ARHGAP36: variants seen among roughly 807,000 people sequenced by gnomAD.
The protein encoded by ARHGAP36 is rho GTPase-activating protein 36.
ARHGAP36 carries 7 observed loss-of-function variants against 32.9 expected under a neutral mutation model. That is an observed-to-expected ratio of 0.21 (90% CI 0.12 to 0.40). ARHGAP36 has a LOEUF of 0.40. Ranked by LOEUF, ARHGAP36 falls within the 10% of genes least tolerant of loss-of-function variation. ARHGAP36 has a pLI of 1.00. For synonymous variants in ARHGAP36, 165 were observed against 168.3 expected (o/e 0.98, Z 0.15); for missense variants, 383 against 442.2 (o/e 0.87, Z 1.20).
chrX:131,086,469 T>C, intron 10 of ARHGAP36, 43 bp downstream of exon 10: 4 of 1,199,973 alleles, frequency 3.3e-6, no homozygotes, highest in Non-Finnish European at 3.4e-6. Flanking sequence ...CTGAAGTACC[T>C]CCTCCTATGG....
intron 1 of ARHGAP36, among the ~76,000 whole-genome samples, chrX:131,068,730 G>A (rs1288890646): frequency 1.9e-5 from 2 of 105,163 alleles, no homozygotes; most frequent in African/African-American, 7.0e-5. Context: ...AGGGTTGAGG[G>A]CTTTATTGGT....
intron 1 of ARHGAP36, among the ~76,000 whole-genome samples, chrX:131,059,318 C>T (rs1302027292): frequency 9.4e-6 from 1 of 106,709 alleles, no homozygotes; most frequent in Non-Finnish European, 1.9e-5. Context: ...GTCCTTCACT[C>T]CCCCTTGATA....
chrX:131,066,795 G>A (rs938363364), intron 1 of ARHGAP36, among the ~76,000 whole-genome samples: 5 of 111,631 alleles, frequency 4.5e-5, no homozygotes, highest in Admixed American at 3.8e-4. Context: ...TGAGCCTGAT[G>A]TATGAAGTGT....
intron 1 of ARHGAP36, among the ~76,000 whole-genome samples, chrX:131,064,300 T>C (rs1228535474): frequency 9.0e-6 from 1 of 111,457 alleles, no homozygotes; most frequent in Non-Finnish European, 1.9e-5. Flanking sequence ...AGAGTGAGAA[T>C]TGGACTTAAG....
chrX:131,083,098 T>C, intron 2 of ARHGAP36, 67 bp from the exon 3 acceptor site: 1 of 1,057,686 alleles, frequency 9.5e-7, no homozygotes. Context: ...ATCAGGGCAT[T>C]GGGATGTTTT....
chrX:131,083,254 T>G, intron 3 of ARHGAP36, 24 bp downstream of exon 3: 1 of 1,188,717 alleles, frequency 8.4e-7, no homozygotes, highest in Non-Finnish European at 1.1e-6. Flanking sequence ...TGTATTTTCT[T>G]TAGAAAAGAA....
At chrX:131,066,663 G>C in intron 1 of ARHGAP36, among the ~76,000 whole-genome samples, 1 of 111,888 alleles carries the variant, frequency 8.9e-6, no homozygotes, top group Non-Finnish European at 1.9e-5. Flanking sequence ...CAGGAATCAG[G>C]GGACTCTTAG....
rs1196168024 is a variant in ARHGAP36, at chrX:131,081,914, C to A, written c.249C>A (p.Asp83Glu). The change falls in exon 2 of 12, where the codon GAC becomes GAA. Residue 83 changes from aspartate (D) to glutamate (E), a missense_variant. Asp to Glu is a conservative substitution (Grantham distance 45, BLOSUM62 2). Coordinates refer to ENST00000276211, the MANE Select transcript of ARHGAP36 (RefSeq NM_144967.4). ...ARHFLSEFKP[D>E]RALPIDRPNT... The stretch of plus-strand genomic sequence containing the variant: ...ATTTCCTCTCCGAATTCAAACCTGA[C>A]AGAGGTAAGCTGTACCCCGGATTGT... 1 of 1,210,953 alleles carries A rather than the reference C, an allele frequency of 8.3e-7. No homozygotes were observed. Among genetic ancestry groups the A allele is most frequent in the Admixed American group, 2.2e-5 (1 of 46,030 alleles).
intron 5 of ARHGAP36, 79 bp from the exon 6 acceptor site, chrX:131,084,547 G>A: frequency 4.3e-6 from 5 of 1,160,068 alleles, no homozygotes; most frequent in Non-Finnish European, 5.9e-6. Context: ...TCGCGATGCA[G>A]TAGGGGGTGA....
At position 131,086,563 on chromosome X, in the gene ARHGAP36, G is replaced by A; in HGVS notation, c.1384G>A (p.Ala462Thr). ...TTCAAAATCCTTCCCATTCAGGAGT[G>A]CACGCATAAAGATGGAAGAGGATGC... ...RRRNLRKIQS[A>T]RIKMEEDALL... Residue 462 changes from alanine (A) to threonine (T), a missense_variant, in exon 11 of 12, where the codon GCA (alanine) becomes ACA (threonine). Coordinates refer to ENST00000276211, the MANE Select transcript of ARHGAP36 (RefSeq NM_144967.4). 1 of 1,211,194 alleles carries A rather than the reference G, an allele frequency of 8.3e-7. No homozygotes were observed. The highest frequency in any genetic ancestry group is 1.1e-6 in the Non-Finnish European group (1 of 894,904).
At chrX:131,065,342 G>C (rs1443827449) in intron 1 of ARHGAP36, among the ~76,000 whole-genome samples, 1 of 111,667 alleles carries the variant, frequency 9.0e-6, no homozygotes, top group African/African-American at 3.3e-5. Flanking sequence ...TTACACAACA[G>C]GATTTAGATG....
In ARHGAP36 at chrX:131,072,637, T is replaced by G. The variant is rs763289173; in HGVS notation, c.-142-8887T>G. Among the ~76,000 whole-genome samples, 3 of 111,548 alleles carry G rather than the reference T, an allele frequency of 2.7e-5. No homozygotes were observed. The East Asian group carries it at 8.5e-4, about 32-fold the overall frequency. On this transcript the variant is annotated intron_variant, in intron 1 of 11. Coordinates refer to ENST00000276211, the MANE Select transcript of ARHGAP36 (RefSeq NM_144967.4). ...TCTTCCTTCACTTGTACTGTGAGATTGTGTGGCATGGCCAGGGGAGGGGAG... is the reference window on the plus strand; with the variant it reads ...TCTTCCTTCACTTGTACTGTGAGATGGTGTGGCATGGCCAGGGGAGGGGAG...
At position 131,081,656 on chromosome X, in the gene ARHGAP36, C is replaced by T. The variant is rs372033409; in HGVS notation, c.-10C>T. 1.8e-4 allele frequency: 222 copies of T among 1,204,549 alleles called. No homozygotes were observed. Among genetic ancestry groups the T allele is most frequent in the Non-Finnish European group, 2.3e-4 (205 of 893,479 alleles). ...GGATGATGCAGCCTTGATAATCATC[C>T]GATTCCAGAATGGGTGGCTGCATTC... On this transcript the variant is annotated 5_prime_UTR_variant, in exon 2 of 12. Transcript: ENST00000276211.
At chrX:131,087,941 A>G (rs1011851267) in intron 11 of ARHGAP36, among the ~76,000 whole-genome samples, 1 of 112,157 alleles carries the variant, frequency 8.9e-6, no homozygotes, top group Non-Finnish European at 1.9e-5. Context: ...AGTTACCACT[A>G]TGGCTCCAGA....
intron 1 of ARHGAP36, among the ~76,000 whole-genome samples, chrX:131,067,171 A>G (rs1443754283): frequency 8.9e-6 from 1 of 112,437 alleles, no homozygotes; most frequent in Non-Finnish European, 1.9e-5. Context: ...AGTTTGTCAC[A>G]AGGCCCAAGG....
At chrX:131,063,668 T>C (rs1386324463) in intron 1 of ARHGAP36, among the ~76,000 whole-genome samples, 2 of 110,147 alleles carry the variant, frequency 1.8e-5, no homozygotes, top group Non-Finnish European at 3.8e-5. Flanking sequence ...TCTCAATACC[T>C]CTCTACTCTG....
chrX:131,069,272 G>A (rs1039305731), intron 1 of ARHGAP36, among the ~76,000 whole-genome samples: 3 of 111,823 alleles, frequency 2.7e-5, no homozygotes, highest in African/African-American at 9.8e-5. Flanking sequence ...TGTGGAGATG[G>A]ACAGCAAGGG....
At chrX:131,079,620 G>A (rs745636589) in intron 1 of ARHGAP36, among the ~76,000 whole-genome samples, 25 of 102,077 alleles carry the variant, frequency 2.4e-4, no homozygotes, top group South Asian at 1.4e-3. Flanking sequence ...ATGATAAACC[G>A]TTACTTAACT....
intron 1 of ARHGAP36, among the ~76,000 whole-genome samples, chrX:131,074,356 T>A (rs774601016): frequency 0.094 from 3,613 of 38,415 alleles, 192 homozygotes; most frequent in African/African-American, 0.18. Context: ...TGTGTGTGTG[T>A]GTGAGAGAGA....
Sources: allele counts gnomAD v4.1 joint callset (sites outside exome capture counted in the v4.1 genomes callset), GRCh38; gene constraint gnomAD v4.1.1; transcripts MANE v1.5; gene names NCBI Gene and HGNC (gene_info 2026-07-23, HGNC 2026-07-21).